ETFB: variants seen among roughly 807,000 people sequenced by gnomAD.
ETFB encodes the protein electron transfer flavoprotein subunit beta, also known as beta-ETF.
Under a neutral mutation model 25.6 loss-of-function variants are expected in ETFB, and 20 were observed. That is an observed-to-expected ratio of 0.78 (90% confidence interval 0.55 to 1.14). ETFB has a LOEUF of 1.14. Among genes scored for constraint, ETFB ranks in the 50% most tolerant of loss-of-function variants. The probability of loss-of-function intolerance (pLI) is 0.00; values close to 1 mark genes in which losing one functional copy is unlikely to be tolerated. For synonymous variants in ETFB, 142 were observed against 146.7 expected, an observed-to-expected ratio of 0.97 and a Z score of 0.23; for missense variants, 286 against 342.6, an observed-to-expected ratio of 0.83 and a Z score of 1.30.
chr19:51,345,445 T>G, intron 5 of ETFB, 64 bp from the exon 6 acceptor site: 2 of 1,525,858 alleles, frequency 1.3e-6, no homozygotes, highest in Non-Finnish European at 1.8e-6. Flanking sequence ...TGCCACCTCC[T>G]TCCCATGGGT....
At chr19:51,347,736 T>C (rs545710106) in intron 4 of ETFB, 1 of 152,446 alleles carries the variant, frequency 6.6e-6, no homozygotes, top group South Asian at 2.1e-4. Flanking sequence ...CAGGTCTTAG[T>C]GTGAACATCA....
intron 1 of ETFB, among the ~76,000 whole-genome samples, chr19:51,357,486 C>CTTTTTTTTTTT (rs199903123): frequency 2.0e-5 from 2 of 100,784 alleles, no homozygotes; most frequent in African/African-American, 7.8e-5. Context: ...TTTTTTCTTT[C>CTTTTTTTTTTT]TTTCTTTTTT....
At chr19:51,350,420 G>A (rs761435953) in intron 3 of ETFB, 29 bp from the exon 4 acceptor site, 1 of 1,167,140 alleles carries the variant, frequency 8.6e-7, no homozygotes, top group South Asian at 1.3e-5. Context: ...AAGACTGTAT[G>A]ACAATCAGTG....
At chr19:51,363,535 G>A (rs1599847709) in intron 1 of ETFB, among the ~76,000 whole-genome samples, 1 of 152,064 alleles carries the variant, frequency 6.6e-6, no homozygotes, top group Admixed American at 6.6e-5. Context: ...TGCAACCTCT[G>A]CCTCCCAGGT....
At chr19:51,358,858 G>A (rs1280397985) in intron 1 of ETFB, among the ~76,000 whole-genome samples, 2 of 151,240 alleles carry the variant, frequency 1.3e-5, no homozygotes, top group East Asian at 2.0e-4. Context: ...AAACAGCCAG[G>A]TATGGTGGCA....
chr19:51,361,710 T>TG (rs1402700519), intron 1 of ETFB: 3 of 145,688 alleles, frequency 2.1e-5, no homozygotes, highest in African/African-American at 7.7e-5. Context: ...TTTTTTTTTT[T>TG]TTTTTTTTTT....
rs187424345 is a variant in ETFB, at chr19:51,353,254, G to A, written c.253C>T (p.Arg85Ter). 5.6e-6 allele frequency: 9 copies of A among 1,613,924 alleles called. No homozygotes were observed. The highest frequency in any genetic ancestry group is 1.3e-5 in the African/African-American group (1 of 74,896). The change falls in exon 3 of 6, where the codon CGA (arginine) becomes TGA (stop). Residue 85 changes from arginine (R) to a stop codon, truncating the protein, a stop_gained. Transcript: ENST00000309244. LOFTEE classifies it high-confidence loss of function. Reference protein sequence around the residue: ...IRTALAMGADRGIHVEVPPAE... With the variant: ...IRTALAMGAD ...GGGGGCACCTCCACGTGGATACCTCGGTCTGCACCCATGGCCAGGGCGGTA... is the reference window on the plus strand; with the variant it reads ...GGGGGCACCTCCACGTGGATACCTCAGTCTGCACCCATGGCCAGGGCGGTA...
chr19:51,364,970 A>T (rs1342886987), intron 1 of ETFB, among the ~76,000 whole-genome samples: 1 of 152,114 alleles, frequency 6.6e-6, no homozygotes, highest in Non-Finnish European at 1.5e-5. Flanking sequence ...AGGCGGGTGG[A>T]TCACCTGAGG....
At chr19:51,365,413 C>A (rs537775022) in intron 1 of ETFB, 1 of 152,290 alleles carries the variant, frequency 6.6e-6, no homozygotes, top group East Asian at 1.9e-4. Context: ...AACTTTGTGA[C>A]CCTGGTTTTG....
At chr19:51,358,833 A>AC (rs528568403) in intron 1 of ETFB, among the ~76,000 whole-genome samples, 12,461 of 82,914 alleles carry the variant, frequency 0.15, 1,430 homozygotes, top group African/African-American at 0.4. Flanking sequence ...AACAACAACA[A>AC]AAAAAAAAAA....
At chr19:51,349,695 G>A (rs1169122389) in intron 4 of ETFB, among the ~76,000 whole-genome samples, 4 of 151,832 alleles carry the variant, frequency 2.6e-5, no homozygotes, top group Non-Finnish European at 4.4e-5. Flanking sequence ...TCCTCCCACC[G>A]TGGCCTCCCA....
At chr19:51,350,258 C>T in intron 4 of ETFB, 71 bp downstream of exon 4, 19 of 1,540,912 alleles carry the variant, frequency 1.2e-5, no homozygotes, top group Non-Finnish European at 1.7e-5. Context: ...AATGCAAAGG[C>T]CTTGAGGCAG....
chr19:51,366,069 A>AAG (rs1986356343), intron 1 of ETFB, among the ~76,000 whole-genome samples: 1 of 152,224 alleles, frequency 6.6e-6, no homozygotes, highest in African/African-American at 2.4e-5. Context: ...AACGAGGGAA[A>AAG]AGAGAACATG....
At chr19:51,361,548 A>C (rs923684730) in intron 1 of ETFB, among the ~76,000 whole-genome samples, 2 of 152,242 alleles carry the variant, frequency 1.3e-5, no homozygotes, top group Admixed American at 6.5e-5. Flanking sequence ...AAGAAACACC[A>C]GGCGCTCCCA....
chr19:51,366,148 G>A (rs536101857), intron 1 of ETFB, 122 bp downstream of exon 1: 3 of 986,694 alleles, frequency 3.0e-6, no homozygotes, highest in South Asian at 2.7e-5. Flanking sequence ...TGACTTTGAC[G>A]TTTGGGGGTT....
Position 51,350,401 on chromosome 19 carries a change from G to T in ETFB, c.376-10C>A. On this transcript the variant is annotated splice_polypyrimidine_tract_variant and intron_variant, in intron 3 of 5. Transcript: ENST00000309244. Reference sequence around the variant, plus strand: ...AGTCATCATCGATGGCCTGAATGGGGAGAGACAGAAGACTGTATGACAATC... The same window carrying T: ...AGTCATCATCGATGGCCTGAATGGGTAGAGACAGAAGACTGTATGACAATC... The T allele has an allele frequency of 7.3e-7, 1 of 1,362,704 alleles. No homozygotes were observed. Among genetic ancestry groups the T allele is most frequent in the Admixed American group, 1.7e-5 (1 of 58,118 alleles). The allele number at this position is 1,362,704 out of a possible 1,614,324, so 84.4% of individuals were successfully genotyped here.
intron 4 of ETFB, among the ~76,000 whole-genome samples, chr19:51,349,689 C>A (rs1985883927): frequency 6.6e-6 from 1 of 152,060 alleles, no homozygotes; most frequent in Non-Finnish European, 1.5e-5. Flanking sequence ...AAGTAATCCT[C>A]CCACCGTGGC....
chr19:51,345,472 A>C, intron 5 of ETFB, 91 bp from the exon 6 acceptor site: 1 of 1,315,302 alleles, frequency 7.6e-7, no homozygotes, highest in Non-Finnish European at 1.1e-6. Flanking sequence ...CCTGCAGACC[A>C]GTCCCATGGG....
chr19:51,353,023 G>GT (rs1187515477), intron 3 of ETFB, 109 bp downstream of exon 3: 21 of 1,346,506 alleles, frequency 1.6e-5, no homozygotes, highest in Non-Finnish European at 2.1e-5. Context: ...TCAGCCTGGA[G>GT]TGGTGAATGC....
Sources: gnomAD v4.1 joint callset for allele counts (sites outside exome capture counted in the v4.1 genomes callset) on GRCh38, gnomAD v4.1.1 for gene constraint, MANE v1.5 for transcripts, NCBI Gene and HGNC (gene_info 2026-07-23, HGNC 2026-07-21) for gene names.